The following CAMKMT variants were observed in gnomAD, a reference collection of about 807,000 sequenced individuals.
CAMKMT encodes CaM KMT.
CAMKMT carries 53 observed loss-of-function variants against 48.0 expected under a neutral mutation model. The observed-to-expected ratio is 1.10, with a 90% CI of 0.89 to 1.39. CAMKMT has a LOEUF of 1.39. Ranked by LOEUF, CAMKMT falls within the 40% of genes most tolerant of loss-of-function variation. CAMKMT has a pLI of 0.00. For missense variants in CAMKMT, 428 were observed against 402.7 expected (o/e 1.06, Z -0.54); for synonymous variants, 165 against 152.3 (o/e 1.08, Z -0.61).
intron 3 of CAMKMT, among the ~76,000 whole-genome samples, chr2:44,622,586 A>G (rs1052934219): frequency 2.0e-5 from 3 of 152,262 alleles, no homozygotes; most frequent in African/African-American, 7.2e-5. Flanking sequence ...AAGTGAGAAC[A>G]TGCAGTATTT....
Position 44,362,128 on chromosome 2 carries a change from T to G in CAMKMT, c.121T>G (p.Trp41Gly), listed in dbSNP as rs746526508. 1 of 1,476,654 alleles carries G rather than the reference T, an allele frequency of 6.8e-7. No homozygotes were observed. The highest frequency in any genetic ancestry group is 8.9e-7 in the Non-Finnish European group (1 of 1,124,992). 91.5% of individuals were successfully genotyped at this position (1,476,654 alleles called of 1,614,324 possible). ...CTCGGCGCCCCTGGGAGCCGCCCGGTGGAAGCTCCTGCGGCAGGTAAGGGA... is the reference window on the plus strand; with the variant it reads ...CTCGGCGCCCCTGGGAGCCGCCCGGGGGAAGCTCCTGCGGCAGGTAAGGGA... ...VVSAPLGAARWKLLRQVLKQK... is the reference protein window; with the variant it reads ...VVSAPLGAARGKLLRQVLKQK... Residue 41 changes from tryptophan (W) to glycine (G), a missense_variant, in exon 1 of 11, where the codon TGG (tryptophan) becomes GGG (glycine). Trp to Gly is a radical substitution (Grantham distance 184, BLOSUM62 -2). Coordinates refer to ENST00000378494, the MANE Select transcript of CAMKMT (RefSeq NM_024766.5).
chr2:44,365,081 A>G (rs2104332115), intron 1 of CAMKMT, among the ~76,000 whole-genome samples: 1 of 152,364 alleles, frequency 6.6e-6, no homozygotes, highest in South Asian at 2.1e-4. Flanking sequence ...AATGTATTTC[A>G]AATGAATGAA....
intron 8 of CAMKMT, among the ~76,000 whole-genome samples, chr2:44,749,698 T>G (rs1051430094): frequency 3.9e-5 from 6 of 152,170 alleles, no homozygotes; most frequent in African/African-American, 1.4e-4. Flanking sequence ...CTGCCCAAAG[T>G]CACACAGCAG....
At chr2:44,391,664 G>A (rs1299734480) in intron 3 of CAMKMT, among the ~76,000 whole-genome samples, 1 of 152,076 alleles carries the variant, frequency 6.6e-6, no homozygotes, top group East Asian at 1.9e-4. Context: ...ATTGTTCCCA[G>A]TTGGCTCCGT....
At chr2:44,570,072 G>A (rs144771393) in intron 3 of CAMKMT, among the ~76,000 whole-genome samples, 1 of 151,950 alleles carries the variant, frequency 6.6e-6, no homozygotes, top group African/African-American at 2.4e-5. Context: ...CCCATATCAG[G>A]TATTTCATAA....
intron 6 of CAMKMT, among the ~76,000 whole-genome samples, chr2:44,709,032 GA>G (rs1339830454): frequency 6.6e-6 from 1 of 152,106 alleles, no homozygotes; most frequent in Non-Finnish European, 1.5e-5. Context: ...CTAAACTACA[GA>G]GCTTCCAAAG....
chr2:44,479,303 G>C (rs1368515936), intron 3 of CAMKMT, among the ~76,000 whole-genome samples: 1 of 151,990 alleles, frequency 6.6e-6, no homozygotes, highest in African/African-American at 2.4e-5. Flanking sequence ...TTTGTGTCTT[G>C]GTTGGTATGG....
At chr2:44,510,351 T>A (rs1246815689) in intron 3 of CAMKMT, among the ~76,000 whole-genome samples, 1 of 152,202 alleles carries the variant, frequency 6.6e-6, no homozygotes, top group Non-Finnish European at 1.5e-5. Context: ...CTTCTCATGA[T>A]TACATTGAGA....
intron 3 of CAMKMT, among the ~76,000 whole-genome samples, chr2:44,648,179 T>TA (rs1558769255): frequency 6.6e-6 from 1 of 152,034 alleles, no homozygotes; most frequent in African/African-American, 2.4e-5. Context: ...GCCATGTATA[T>TA]AAAAAAGAAA....
At chr2:44,724,275 C>T (rs746520777) in intron 7 of CAMKMT, among the ~76,000 whole-genome samples, 14 of 152,078 alleles carry the variant, frequency 9.2e-5, no homozygotes, top group Non-Finnish European at 1.9e-4. Flanking sequence ...CGGCAAGATC[C>T]CCTCTCTTAA....
At chr2:44,585,438 A>C (rs1252620381) in intron 3 of CAMKMT, among the ~76,000 whole-genome samples, 1 of 152,242 alleles carries the variant, frequency 6.6e-6, no homozygotes, top group African/African-American at 2.4e-5. Context: ...ATATTCCTGT[A>C]GGAAGTGGCC....
In CAMKMT at chr2:44,405,079, G is replaced by T. The variant is rs529485551; in HGVS notation, c.376+14774G>T. Among the ~76,000 whole-genome samples the T allele has an allele frequency of 1.6e-4, 24 of 152,098 alleles. 1 individual carries two copies. The East Asian group carries it at 3.7e-3, about 23-fold the overall frequency. ...TGTAAAAAATGAATGATAGATACATGGGAGTTCATTATTTTCTATCTCTAT... is the reference window on the plus strand; with the variant it reads ...TGTAAAAAATGAATGATAGATACATTGGAGTTCATTATTTTCTATCTCTAT... On this transcript the variant is annotated intron_variant, in intron 3 of 10. Transcript: ENST00000378494.
At chr2:44,423,395 G>C (rs1328134958) in intron 3 of CAMKMT, among the ~76,000 whole-genome samples, 1 of 151,988 alleles carries the variant, frequency 6.6e-6, no homozygotes, top group Non-Finnish European at 1.5e-5. Flanking sequence ...GGCCACACTG[G>C]TCTCGAACTC....
At chr2:44,601,860 T>A (rs1413975359) in intron 3 of CAMKMT, among the ~76,000 whole-genome samples, 3 of 152,138 alleles carry the variant, frequency 2.0e-5, no homozygotes, top group Admixed American at 2.0e-4. Context: ...AAAGGAAAAG[T>A]AATCATGATT....
intron 3 of CAMKMT, among the ~76,000 whole-genome samples, chr2:44,669,046 G>C (rs1339682851): frequency 2.0e-5 from 3 of 152,106 alleles, no homozygotes; most frequent in Non-Finnish European, 4.4e-5. Context: ...GCCTCCCACA[G>C]TGCTAGAATT....
intron 7 of CAMKMT, among the ~76,000 whole-genome samples, chr2:44,718,779 C>T (rs568009596): frequency 6.6e-6 from 1 of 152,256 alleles, no homozygotes; most frequent in South Asian, 2.1e-4. Flanking sequence ...ATGTATGTAT[C>T]TTTGTGTGAA....
chr2:44,380,991 C>G (rs1288929298), intron 2 of CAMKMT, among the ~76,000 whole-genome samples: 2 of 152,052 alleles, frequency 1.3e-5, no homozygotes, highest in Non-Finnish European at 2.9e-5. Flanking sequence ...GAAACCCCAT[C>G]TCTACTAAAA....
At position 44,671,800 on chromosome 2, in the gene CAMKMT, G is replaced by A. The variant is rs140415950; in HGVS notation, c.377-32483G>A. 2.8e-3 allele frequency among the ~76,000 whole-genome samples: 424 copies of A among 152,104 alleles called. 2 individuals carry two copies. Among genetic ancestry groups the A allele is most frequent in the Middle Eastern group, 0.01 (3 of 294 alleles). ...TTTCTCTTTGTTTCTGGCTAAAAGA[G>A]GGCATTGTATTTTCATGATTTTTTG... On this transcript the variant is annotated intron_variant, in intron 3 of 10. Coordinates refer to ENST00000378494, the MANE Select transcript of CAMKMT (RefSeq NM_024766.5).
chr2:44,530,809 A>T (rs762244499), intron 3 of CAMKMT, among the ~76,000 whole-genome samples: 18 of 152,144 alleles, frequency 1.2e-4, no homozygotes, highest in Middle Eastern at 3.4e-3. Context: ...ATATTGTGAA[A>T]TTTTAATTTT....
Sources: allele counts gnomAD v4.1 joint callset (sites outside exome capture counted in the v4.1 genomes callset), GRCh38; gene constraint gnomAD v4.1.1; transcripts MANE v1.5; gene names NCBI Gene and HGNC (gene_info 2026-07-23, HGNC 2026-07-21).